Variants in PRKN observed in about 807,000 individuals in gnomAD.
PRKN encodes the protein E3 ubiquitin-protein ligase parkin.
In PRKN, 56 loss-of-function variants were observed where a neutral mutation model predicts 59.5. The observed-to-expected ratio is 0.94, with a 90% CI of 0.76 to 1.18. The LOEUF (loss-of-function observed/expected upper bound fraction) is 1.18, where lower values mean the gene tolerates loss of function less well. Among genes scored for constraint, PRKN ranks in the 50% most tolerant of loss-of-function variants. The pLI is 0.00. For missense variants in PRKN, 657 were observed against 596.4 expected (o/e 1.10, Z -1.06); for synonymous variants, 250 against 222.1 (o/e 1.13, Z -1.12).
chr6:162,021,303 T>TA, intron 5 of PRKN, among the ~76,000 whole-genome samples: 1 of 145,866 alleles, frequency 6.9e-6, no homozygotes, highest in South Asian at 2.1e-4. Context: ...CTTAAATGAC[T>TA]AAAAATCTGA....
intron 6 of PRKN, among the ~76,000 whole-genome samples, chr6:161,874,491 T>G (rs1271824296): frequency 9.6e-6 from 1 of 104,528 alleles, no homozygotes; most frequent in East Asian, 2.7e-4. Context: ...ATATATATTA[T>G]ATGTAAAATA....
intron 1 of PRKN, among the ~76,000 whole-genome samples, chr6:162,625,173 C>G (rs1204415595): frequency 1.3e-5 from 2 of 152,148 alleles, no homozygotes; most frequent in East Asian, 3.9e-4. Context: ...GGAGTGAGGG[C>G]AACTTCAGCC....
intron 2 of PRKN, among the ~76,000 whole-genome samples, chr6:162,434,705 T>A (rs749178392): frequency 9.2e-5 from 14 of 152,292 alleles, no homozygotes; most frequent in Non-Finnish European, 1.5e-4. Flanking sequence ...GAATAAATAT[T>A]TACTAATGGT....
At position 161,418,633 on chromosome 6, in the gene PRKN, C is replaced by G. The variant is rs138384525; in HGVS notation, c.1084-31756G>C. Among the ~76,000 whole-genome samples the G allele has an allele frequency of 6.1e-3, 927 of 152,182 alleles. 9 individuals carry two copies. Among genetic ancestry groups the G allele is most frequent in the African/African-American group, 0.021 (881 of 41,486 alleles). ...TACCCGAAAGGCAAGGCAATTACCT[C>G]GGCTAAAATAACAAGCATGTTTTCT... On this transcript the variant is annotated intron_variant, in intron 9 of 11. Transcript: ENST00000366898.
intron 2 of PRKN, among the ~76,000 whole-genome samples, chr6:162,292,950 C>T (rs190516273): frequency 2.3e-4 from 35 of 152,180 alleles, no homozygotes; most frequent in Admixed American, 5.2e-4. Flanking sequence ...GTCCTGTGGT[C>T]GCTGGGGACC....
At chr6:161,894,816 G>A (rs957157835) in intron 6 of PRKN, among the ~76,000 whole-genome samples, 19 of 152,136 alleles carry the variant, frequency 1.2e-4, no homozygotes, top group African/African-American at 4.3e-4. Flanking sequence ...ACATTAAAAT[G>A]ATATGCATGT....
In PRKN at chr6:161,484,770, A is replaced by G. The variant is rs1358544215; in HGVS notation, c.1083+64084T>C. Among the ~76,000 whole-genome samples the G allele has an allele frequency of 6.6e-6, 1 of 152,098 alleles. No homozygotes were observed. Among genetic ancestry groups the G allele is most frequent in the Non-Finnish European group, 1.5e-5 (1 of 68,008 alleles). ...GCATCCCCCTGTTGTGATGACCAAA[A>G]CTATCTCCAGACATGACCAAATATC... On this transcript the variant is annotated intron_variant, in intron 9 of 11. Coordinates refer to ENST00000366898, the MANE Select transcript of PRKN (RefSeq NM_004562.3). The surrounding 1 kb of genome is among the most constrained non-coding windows in gnomAD (Gnocchi z 4.9).
intron 6 of PRKN, among the ~76,000 whole-genome samples, chr6:161,925,847 G>A (rs1214149254): frequency 6.6e-6 from 1 of 152,164 alleles, no homozygotes; most frequent in African/African-American, 2.4e-5. Flanking sequence ...TGATGATGAA[G>A]AAAATAAGGG....
At chr6:162,007,556 G>A (rs940697604) in intron 5 of PRKN, among the ~76,000 whole-genome samples, 2 of 152,094 alleles carry the variant, frequency 1.3e-5, no homozygotes, top group African/African-American at 4.8e-5. Flanking sequence ...AACTTTAATA[G>A]GTACCACTTA....
chr6:161,570,990 G>A (rs1455896127), intron 7 of PRKN, among the ~76,000 whole-genome samples: 2 of 152,190 alleles, frequency 1.3e-5, no homozygotes, highest in Non-Finnish European at 2.9e-5. Context: ...CTGGGGTGCA[G>A]TGTGTAATCA....
chr6:161,414,315 T>C lies in PRKN; in HGVS notation c.1084-27438A>G, dbSNP rs559128125. The stretch of plus-strand genomic sequence containing the variant: ...TTTGTCACAGGCAGCGGCCAGTCTC[T>C]GTGTTCTCGGGCGCTCTGTGTCAGG... On this transcript the variant is annotated intron_variant, in intron 9 of 11. Coordinates refer to ENST00000366898, the MANE Select transcript of PRKN (RefSeq NM_004562.3). This position sits in a 1 kb window ranked among gnomAD's most constrained non-coding sequence, Gnocchi z 5.3. Among the ~76,000 whole-genome samples the C allele has an allele frequency of 6.6e-6, 1 of 152,310 alleles. No homozygotes were observed. The highest frequency in any genetic ancestry group is 1.9e-4 in the East Asian group (1 of 5,174).
chr6:162,493,132 C>A (rs531308034), intron 1 of PRKN, among the ~76,000 whole-genome samples: 2 of 152,068 alleles, frequency 1.3e-5, no homozygotes, highest in Admixed American at 6.6e-5. Context: ...GTTCGGCCAG[C>A]AGGATAAAAA....
intron 1 of PRKN, among the ~76,000 whole-genome samples, chr6:162,716,368 T>A (rs1483597435): frequency 6.6e-6 from 1 of 152,178 alleles, no homozygotes; most frequent in Non-Finnish European, 1.5e-5. Flanking sequence ...AATTTAAAAT[T>A]CTAACTGTAT....
intron 6 of PRKN, among the ~76,000 whole-genome samples, chr6:161,847,972 G>GCTCT (rs1186583927): frequency 6.6e-6 from 1 of 152,164 alleles, no homozygotes; most frequent in Non-Finnish European, 1.5e-5. Flanking sequence ...AGGTAGTGGA[G>GCTCT]CTCTCAGTGA....
chr6:161,774,433 C>T (rs1403866863), intron 7 of PRKN, among the ~76,000 whole-genome samples: 1 of 146,156 alleles, frequency 6.8e-6, no homozygotes, highest in Admixed American at 6.8e-5. Flanking sequence ...CACACACACA[C>T]GGCGTGGCTA....
intron 8 of PRKN, among the ~76,000 whole-genome samples, chr6:161,555,727 T>C (rs575952675): frequency 2.6e-4 from 39 of 152,314 alleles, no homozygotes; most frequent in African/African-American, 9.4e-4. Context: ...TTACAGACTT[T>C]TGCACTCATT....
chr6:162,163,462 A>G (rs1782845892), intron 4 of PRKN, among the ~76,000 whole-genome samples: 1 of 149,472 alleles, frequency 6.7e-6, no homozygotes, highest in South Asian at 2.1e-4. Context: ...GGAGGTAAAA[A>G]GAAGAAAAAA....
intron 1 of PRKN, among the ~76,000 whole-genome samples, chr6:162,515,664 T>C (rs1246885426): frequency 1.3e-5 from 2 of 152,198 alleles, no homozygotes; most frequent in African/African-American, 4.8e-5. Context: ...TTGTAGATTC[T>C]GGTTTTACTT....
At position 162,568,196 on chromosome 6, in the gene PRKN, T is replaced by C. The variant is rs528025896; in HGVS notation, c.8-124723A>G. 5.8e-4 allele frequency among the ~76,000 whole-genome samples: 89 copies of C among 152,176 alleles called. 1 individual carries two copies. The highest frequency in any genetic ancestry group is 1.0e-3 in the Non-Finnish European group (71 of 68,030). ...ACATTGGGGAAACTCTCCAGGACAC[T>C]GGTCTGTCTGGGTAAAAATTTCTTG... is the stretch of plus-strand genomic sequence containing the variant. On this transcript the variant is annotated intron_variant, in intron 1 of 11. Transcript: ENST00000366898.
Sources: allele counts gnomAD v4.1 joint callset (sites outside exome capture counted in the v4.1 genomes callset), GRCh38; gene constraint gnomAD v4.1.1; non-coding constraint Gnocchi (gnomAD v3.1); transcripts MANE v1.5; gene names NCBI Gene and HGNC (gene_info 2026-07-23, HGNC 2026-07-21).